Variants in TPST1 observed in about 807,000 individuals in gnomAD.
The protein encoded by TPST1 is protein-tyrosine sulfotransferase 1.
TPST1 carries 20 observed loss-of-function variants against 34.8 expected under a neutral mutation model. The ratio of observed to expected loss-of-function variants is 0.57; its 90% CI spans 0.40 to 0.84. The LOEUF (loss-of-function observed/expected upper bound fraction) is 0.84, where lower values mean the gene tolerates loss of function less well. TPST1 is among the 40% of genes least tolerant of loss of function. The pLI is 0.00. For synonymous variants in TPST1, 152 were observed against 159.4 expected, an observed-to-expected ratio of 0.95 and a Z score of 0.35; for missense variants, 353 against 455.5, an observed-to-expected ratio of 0.78 and a Z score of 2.05.
intron 3 of TPST1, among the ~76,000 whole-genome samples, chr7:66,314,563 T>TG (rs890543961): frequency 3.3e-5 from 5 of 152,312 alleles, no homozygotes; most frequent in African/African-American, 4.8e-5. Context: ...GGAAAAAACT[T>TG]GAAGACTGTG....
chr7:66,278,044 GT>G (rs2115862392), intron 2 of TPST1, among the ~76,000 whole-genome samples: 1 of 135,322 alleles, frequency 7.4e-6, no homozygotes, highest in South Asian at 2.4e-4. Flanking sequence ...ACGTTGCAGT[GT>G]GCTGAGATTG....
chr7:66,279,230 A>G (rs551704709), intron 2 of TPST1, among the ~76,000 whole-genome samples: 1 of 152,280 alleles, frequency 6.6e-6, no homozygotes, highest in East Asian at 1.9e-4. Context: ...AATGGCCTCC[A>G]ACTCCATCCA....
intron 2 of TPST1, among the ~76,000 whole-genome samples, chr7:66,264,734 G>A (rs887138284): frequency 2.6e-5 from 4 of 152,136 alleles, no homozygotes; most frequent in African/African-American, 9.7e-5. Flanking sequence ...GATTTAAAAT[G>A]TCTAGTGTTT....
At chr7:66,263,424 A>G (rs10276077) in intron 2 of TPST1, among the ~76,000 whole-genome samples, 98,217 of 152,016 alleles carry the variant, frequency 0.65, 32,091 homozygotes, top group African/African-American at 0.74. Flanking sequence ...TCAGTTTCTC[A>G]TACTAGTCTC....
intron 3 of TPST1, among the ~76,000 whole-genome samples, chr7:66,347,387 C>T (rs889603163): frequency 3.9e-5 from 6 of 152,110 alleles, no homozygotes; most frequent in Non-Finnish European, 8.8e-5. Flanking sequence ...TTTCATTCTA[C>T]TACATATGGA....
chr7:66,359,310 TAAAG>T (rs1792643944), intron 5 of TPST1: 1 of 146,426 alleles, frequency 6.8e-6, no homozygotes, highest in Non-Finnish European at 1.5e-5. Flanking sequence ...CCTGGACACT[TAAAG>T]AACCTTAGGA....
chr7:66,283,477 A>G (rs1260158146), intron 2 of TPST1, among the ~76,000 whole-genome samples: 2 of 151,972 alleles, frequency 1.3e-5, no homozygotes, highest in African/African-American at 2.4e-5. Flanking sequence ...CAGCTACTCA[A>G]CTCTGCCGTT....
At chr7:66,355,927 G>A (rs967124575) in intron 4 of TPST1, among the ~76,000 whole-genome samples, 1 of 143,656 alleles carries the variant, frequency 7.0e-6, no homozygotes, top group East Asian at 2.0e-4. Flanking sequence ...AAAAAAAAAG[G>A]CTGAGCGTGG....
At chr7:66,244,315 A>T (rs1311005650) in intron 2 of TPST1, among the ~76,000 whole-genome samples, 1 of 152,184 alleles carries the variant, frequency 6.6e-6, no homozygotes, top group Non-Finnish European at 1.5e-5. Flanking sequence ...TACAATACTT[A>T]AATATTTAGG....
chr7:66,242,877 A>T (rs1272892795), intron 2 of TPST1, among the ~76,000 whole-genome samples: 1 of 152,158 alleles, frequency 6.6e-6, no homozygotes, highest in Non-Finnish European at 1.5e-5. Context: ...TGAATTAATG[A>T]ATTTTAGAAA....
At chr7:66,318,771 T>G (rs78368835) in intron 3 of TPST1, among the ~76,000 whole-genome samples, 2,229 of 152,306 alleles carry the variant, frequency 0.015, 59 homozygotes, top group East Asian at 0.093. Context: ...GCCTAGAAGT[T>G]TTTTTGGTAA....
At chr7:66,267,011 A>G (rs540633565) in intron 2 of TPST1, among the ~76,000 whole-genome samples, 1 of 152,312 alleles carries the variant, frequency 6.6e-6, no homozygotes, top group Admixed American at 6.5e-5. Context: ...AGATCTGTGT[A>G]TACTCCATAT....
At chr7:66,280,320 C>G (rs1252281469) in intron 2 of TPST1, among the ~76,000 whole-genome samples, 1 of 152,198 alleles carries the variant, frequency 6.6e-6, no homozygotes, top group Admixed American at 6.5e-5. Context: ...ATTCCTGGGC[C>G]AGATCTTGGG....
chr7:66,240,534 G>A lies in TPST1; in HGVS notation c.109G>A (p.Glu37Lys). Residue 37 changes from glutamate (E) to lysine (K), a missense_variant, in exon 2 of 6, where the codon GAA becomes AAA. By Grantham distance (56) the Glu-to-Lys change is moderately conservative. Coordinates refer to ENST00000304842, the MANE Select transcript of TPST1 (RefSeq NM_003596.4). ...CATGGAATGCCATCACCGGATAGAG[G>A]AACGTAGCCAGCCAGTCAAATTGGA... ...HAMECHHRIEERSQPVKLEST... is the reference protein window; with the variant it reads ...HAMECHHRIEKRSQPVKLEST... 3 of 1,614,208 alleles carry A rather than the reference G, an allele frequency of 1.9e-6. No homozygotes were observed. The highest frequency in any genetic ancestry group is 2.5e-6 in the Non-Finnish European group (3 of 1,180,034).
At chr7:66,350,441 A>G (rs1792452589) in intron 3 of TPST1, among the ~76,000 whole-genome samples, 2 of 151,752 alleles carry the variant, frequency 1.3e-5, no homozygotes, top group Admixed American at 1.3e-4. Context: ...CACCCTGTTC[A>G]CTTTCCAGGG....
At chr7:66,264,564 G>T (rs529522041) in intron 2 of TPST1, among the ~76,000 whole-genome samples, 10 of 152,276 alleles carry the variant, frequency 6.6e-5, no homozygotes, top group Middle Eastern at 3.4e-3. Context: ...TGGCCATTAA[G>T]CTAACAGAAT....
intron 2 of TPST1, among the ~76,000 whole-genome samples, chr7:66,285,490 G>GA (rs1562829622): frequency 6.6e-6 from 1 of 152,178 alleles, no homozygotes; most frequent in Non-Finnish European, 1.5e-5. Flanking sequence ...TAGCCCCACA[G>GA]AAGCCCAGGG....
chr7:66,304,193 A>T (rs1791376795), intron 3 of TPST1, among the ~76,000 whole-genome samples: 1 of 152,234 alleles, frequency 6.6e-6, no homozygotes, highest in Non-Finnish European at 1.5e-5. Context: ...AATGAGCTGG[A>T]TACAGCTACA....
intron 3 of TPST1, among the ~76,000 whole-genome samples, chr7:66,297,703 A>G (rs553897006): frequency 6.6e-6 from 1 of 152,222 alleles, no homozygotes; most frequent in Admixed American, 6.5e-5. Context: ...CAGCTGGGGG[A>G]CAGGGGTTAG....
Sources: allele counts gnomAD v4.1 joint callset (sites outside exome capture counted in the v4.1 genomes callset), GRCh38; gene constraint gnomAD v4.1.1; transcripts MANE v1.5; gene names NCBI Gene and HGNC (gene_info 2026-07-23, HGNC 2026-07-21).